The following POU2AF1 variants were observed in gnomAD, a reference collection of about 807,000 sequenced individuals.
The protein encoded by POU2AF1 is POU domain class 2-associating factor 1.
POU2AF1 carries 12 observed loss-of-function variants against 26.3 expected under a neutral mutation model. The ratio of observed to expected loss-of-function variants is 0.46; its 90% CI spans 0.29 to 0.74. POU2AF1 has a LOEUF of 0.74. Among genes scored for constraint, POU2AF1 ranks in the 30% least tolerant of loss-of-function variants. The pLI is 0.09. For missense variants in POU2AF1, 297 were observed against 334.5 expected, an observed-to-expected ratio of 0.89 and a Z score of 0.87; for synonymous variants, 175 against 148.0, an observed-to-expected ratio of 1.18 and a Z score of -1.32.
chr11:111,354,065 G>T lies in POU2AF1; in HGVS notation c.*196C>A. The T allele has an allele frequency of 2.1e-6, 1 of 484,978 alleles. No homozygotes were observed. Among genetic ancestry groups the T allele is most frequent in the Non-Finnish European group, 3.5e-6 (1 of 289,722 alleles). The allele number at this position is 484,978 out of a possible 1,614,324, so 30.0% of individuals were successfully genotyped here. ...AAGGGAGGGAGGGGAAGAATGGAAG[G>T]ATGGGGGAGAGGGAGGAAGTGAGGG... On this transcript the variant is annotated 3_prime_UTR_variant, in exon 5 of 5. Coordinates refer to ENST00000393067, the MANE Select transcript of POU2AF1 (RefSeq NM_006235.3).
intron 1 of POU2AF1, among the ~76,000 whole-genome samples, chr11:111,375,413 T>TTTTTA (rs1861289122): frequency 6.9e-6 from 1 of 145,452 alleles, no homozygotes; most frequent in Admixed American, 6.9e-5. Context: ...TTTTTTTTTT[T>TTTTTA]TGAGGCGGAG....
At chr11:111,354,904 T>G (rs1402320108) in intron 4 of POU2AF1, among the ~76,000 whole-genome samples, 2 of 152,192 alleles carry the variant, frequency 1.3e-5, no homozygotes, top group African/African-American at 4.8e-5. Flanking sequence ...ATTTTCCAGG[T>G]TTCGTTGAAT....
intron 1 of POU2AF1, among the ~76,000 whole-genome samples, chr11:111,371,907 G>A (rs542640757): frequency 5.9e-5 from 9 of 152,116 alleles, no homozygotes; most frequent in African/African-American, 2.2e-4. Flanking sequence ...AGATCTGCCT[G>A]CCCCAGAAGC....
intron 1 of POU2AF1, among the ~76,000 whole-genome samples, chr11:111,371,380 C>A (rs139142272): frequency 0.015 from 2,225 of 152,264 alleles, 20 homozygotes; most frequent in Non-Finnish European, 0.022. Context: ...AAGTGTCATT[C>A]TGCTCACAAC....
intron 4 of POU2AF1, among the ~76,000 whole-genome samples, chr11:111,354,841 C>T (rs565979020): frequency 9.9e-5 from 15 of 152,152 alleles, no homozygotes; most frequent in African/African-American, 2.2e-4. Flanking sequence ...TTCTCATCTA[C>T]GAAATAGAAT....
chr11:111,354,676 C>T, intron 4 of POU2AF1, 101 bp from the exon 5 acceptor site: 1 of 1,080,422 alleles, frequency 9.3e-7, no homozygotes, highest in Non-Finnish European at 1.3e-6. Flanking sequence ...TCAATTCTGC[C>T]CTTTCCTGGT....
chr11:111,368,640 G>GC (rs1390472348), intron 1 of POU2AF1, among the ~76,000 whole-genome samples: 1 of 152,034 alleles, frequency 6.6e-6, no homozygotes, highest in Non-Finnish European at 1.5e-5. Context: ...GAGGAAGAAG[G>GC]ACCCAGTGCA....
intron 1 of POU2AF1, among the ~76,000 whole-genome samples, chr11:111,370,704 A>C (rs1346367421): frequency 6.6e-6 from 1 of 152,200 alleles, no homozygotes; most frequent in Admixed American, 6.5e-5. Context: ...TATAGACATC[A>C]GCCTAAAATC....
chr11:111,369,375 A>C (rs569075954), intron 1 of POU2AF1, among the ~76,000 whole-genome samples: 1 of 152,240 alleles, frequency 6.6e-6, no homozygotes, highest in Non-Finnish European at 1.5e-5. Context: ...ATTAGGTTGC[A>C]GACAGAGTAT....
intron 2 of POU2AF1, among the ~76,000 whole-genome samples, chr11:111,358,498 T>C (rs1160455026): frequency 8.2e-6 from 1 of 121,990 alleles, no homozygotes; most frequent in Non-Finnish European, 1.7e-5. Context: ...ACATACACAT[T>C]CTCTCTCACA....
intron 1 of POU2AF1, chr11:111,363,020 G>C: frequency 3.5e-6 from 2 of 570,684 alleles, no homozygotes; most frequent in Non-Finnish European, 4.5e-6. Flanking sequence ...AGGGCTTCCC[G>C]CCTCCTACTG....
At chr11:111,363,119 G>C in intron 1 of POU2AF1, 1 of 1,009,386 alleles carries the variant, frequency 9.9e-7, no homozygotes, top group East Asian at 7.1e-5. Flanking sequence ...TTGGAACTCA[G>C]TGTCAACAGG....
In POU2AF1 at chr11:111,352,940, A is replaced by T. The variant is rs901517176; in HGVS notation, c.*1321T>A. ...GGAGTGAGACTCCGTCCCAAAAAAA[A>T]CCAAAAAAAAGAAAGAAAGAGAGAG... On this transcript the variant is annotated 3_prime_UTR_variant, in exon 5 of 5. Coordinates refer to ENST00000393067, the MANE Select transcript of POU2AF1 (RefSeq NM_006235.3). The T allele has an allele frequency of 5.6e-6, 1 of 177,366 alleles. No individual in the cohort carries two copies. The highest frequency in any genetic ancestry group is 9.4e-5 in the East Asian group (1 of 10,682). 11.0% of individuals were successfully genotyped at this position (177,366 alleles called of 1,614,324 possible). A position where few individuals can be genotyped will look rare whatever the true frequency, so the allele number is the denominator to read the frequency against.
At chr11:111,370,506 G>C (rs965174329) in intron 1 of POU2AF1, among the ~76,000 whole-genome samples, 1 of 152,096 alleles carries the variant, frequency 6.6e-6, no homozygotes, top group African/African-American at 2.4e-5. Context: ...ATCCAGCTGT[G>C]ACCTGAAGAA....
chr11:111,362,960 C>T (rs770831266), intron 1 of POU2AF1: 8 of 201,132 alleles, frequency 4.0e-5, no homozygotes, highest in Non-Finnish European at 6.3e-5. Context: ...ACACACCACA[C>T]ACTTGGCTGG....
chr11:111,361,734 C>T (rs1412971161), intron 1 of POU2AF1, among the ~76,000 whole-genome samples: 1 of 152,186 alleles, frequency 6.6e-6, no homozygotes, highest in East Asian at 1.9e-4. Flanking sequence ...AGTCCATTTA[C>T]AGCTGTCTCA....
intron 4 of POU2AF1, among the ~76,000 whole-genome samples, chr11:111,356,585 T>C (rs1297808070): frequency 6.6e-6 from 1 of 152,250 alleles, no homozygotes; most frequent in Admixed American, 6.5e-5. Flanking sequence ...TGCCCTTGAA[T>C]ACTTGCAAAA....
chr11:111,358,996 A>T (rs1042460698), intron 1 of POU2AF1, 78 bp from the exon 2 acceptor site: 19 of 1,533,760 alleles, frequency 1.2e-5, no homozygotes, highest in Middle Eastern at 1.8e-4. Flanking sequence ...TTCCTCATGG[A>T]TCTGCCTGCT....
At chr11:111,359,472 G>C (rs1209527408) in intron 1 of POU2AF1, 1 of 181,428 alleles carries the variant, frequency 5.5e-6, no homozygotes, top group Non-Finnish European at 1.2e-5. Context: ...ACAGCCATAA[G>C]AGCAGGGACT....
Sources: allele counts gnomAD v4.1 joint callset (sites outside exome capture counted in the v4.1 genomes callset), GRCh38; gene constraint gnomAD v4.1.1; transcripts MANE v1.5; gene names NCBI Gene and HGNC (gene_info 2026-07-23, HGNC 2026-07-21).